ITGB6: variants seen among roughly 807,000 people sequenced by gnomAD.
The protein encoded by ITGB6 is integrin beta-6.
In ITGB6, 80 loss-of-function variants were observed where a neutral mutation model predicts 84.5. The ratio of observed to expected loss-of-function variants is 0.95; its 90% CI spans 0.79 to 1.14. The LOEUF (loss-of-function observed/expected upper bound fraction) is 1.14. ITGB6 is among the 50% of genes most tolerant of loss of function. ITGB6 has a pLI of 0.00. For synonymous variants in ITGB6, 383 were observed against 354.9 expected, an observed-to-expected ratio of 1.08 and a Z score of -0.89; for missense variants, 1,006 against 968.0, an observed-to-expected ratio of 1.04 and a Z score of -0.52.
chr2:160,103,239 G>T (rs940641008), intron 14 of ITGB6, among the ~76,000 whole-genome samples: 2 of 152,074 alleles, frequency 1.3e-5, no homozygotes, highest in Non-Finnish European at 2.9e-5. Context: ...GCTCTTAAAA[G>T]AATTGAATAA....
Position 160,099,862 on chromosome 2 carries a change from C to T in ITGB6, c.*1874G>A, listed in dbSNP as rs1006942072. Reference sequence around the variant, plus strand: ...GAAAGAGCAGATTCTTCTCTACCTTCCCTAAAACACACACAAAGGTAACTT... The same window carrying T: ...GAAAGAGCAGATTCTTCTCTACCTTTCCTAAAACACACACAAAGGTAACTT... On this transcript the variant is annotated 3_prime_UTR_variant, in exon 15 of 15. Coordinates refer to ENST00000283249, the MANE Select transcript of ITGB6 (RefSeq NM_000888.5). The T allele has an allele frequency of 2.6e-5, 4 of 152,154 alleles. No homozygotes were observed. The highest frequency in any genetic ancestry group is 5.9e-5 in the Non-Finnish European group (4 of 68,028). 9.4% of individuals were successfully genotyped at this position (152,154 alleles called of 1,614,324 possible). A position where few individuals can be genotyped will look rare whatever the true frequency, so the allele number is the denominator to read the frequency against.
intron 12 of ITGB6, 82 bp downstream of exon 12, chr2:160,123,709 G>T (rs1683127612): frequency 2.0e-6 from 2 of 993,964 alleles, no homozygotes; most frequent in African/African-American, 1.6e-5. Flanking sequence ...CTACTAAATA[G>T]CCCTCGATTC....
In ITGB6 at chr2:160,195,276, G is replaced by A; in HGVS notation, c.593+93C>T. The A allele has an allele frequency of 4.0e-6, 6 of 1,498,862 alleles. No individual in the cohort carries two copies. The South Asian group carries it at 7.3e-5, about 18-fold the overall frequency. 92.8% of individuals were successfully genotyped at this position (1,498,862 alleles called of 1,614,324 possible). On this transcript the variant is annotated intron_variant, in intron 4 of 14. Transcript: ENST00000283249. Reference sequence around the variant, plus strand: ...CAACCAGACAAGGCAGAAATGCCAGGGAGTTAGCAAGCTCCTGGCAAGTGC... The same window carrying A: ...CAACCAGACAAGGCAGAAATGCCAGAGAGTTAGCAAGCTCCTGGCAAGTGC...
chr2:160,193,330 A>G (rs1467964007), intron 4 of ITGB6, among the ~76,000 whole-genome samples: 3 of 152,236 alleles, frequency 2.0e-5, no homozygotes, highest in Non-Finnish European at 4.4e-5. Context: ...ATACAAAATA[A>G]TAGGTAAATC....
chr2:160,160,285 G>A (rs1684769232), intron 7 of ITGB6, among the ~76,000 whole-genome samples: 1 of 152,126 alleles, frequency 6.6e-6, no homozygotes, highest in African/African-American at 2.4e-5. Flanking sequence ...AATTTTTAGT[G>A]TACATGTGGT....
chr2:160,107,699 A>T lies in ITGB6; in HGVS notation c.2248T>A (p.Ser750Thr), dbSNP rs771306762. The T allele has an allele frequency of 8.7e-6, 14 of 1,613,934 alleles. No homozygotes were observed. In the East Asian group the frequency reaches 3.1e-4, roughly 36 times the overall value. The change falls in exon 14 of 15, where the codon TCA becomes ACA. Residue 750 changes from serine (S) to threonine (T), a missense_variant. Ser to Thr is a moderately conservative substitution (Grantham distance 58, BLOSUM62 1). Transcript: ENST00000283249. ...KEVAKFEAER[S>T]KAKWQTGTNP... The stretch of plus-strand genomic sequence containing the variant: ...CATACCGTTTGCCACTTGGCTTTTG[A>T]TCGTTCTGCTTCAAATTTGGCAACT...
chr2:160,109,863 A>G (rs1424545200), intron 13 of ITGB6, among the ~76,000 whole-genome samples: 2 of 152,192 alleles, frequency 1.3e-5, no homozygotes, highest in Non-Finnish European at 2.9e-5. Flanking sequence ...CAAGTAGCTT[A>G]TGCTGTAAGG....
At chr2:160,193,782 A>G (rs959964804) in intron 4 of ITGB6, among the ~76,000 whole-genome samples, 1 of 152,164 alleles carries the variant, frequency 6.6e-6, no homozygotes, top group South Asian at 2.1e-4. Context: ...AGAGAGGGGG[A>G]AAAAGGCCTA....
chr2:160,158,508 A>C (rs1371900018), intron 7 of ITGB6, among the ~76,000 whole-genome samples: 1 of 152,218 alleles, frequency 6.6e-6, no homozygotes, highest in Non-Finnish European at 1.5e-5. Context: ...TCTCTTAATA[A>C]GATTACCTTG....
intron 8 of ITGB6, among the ~76,000 whole-genome samples, chr2:160,140,955 G>A (rs931287668): frequency 6.6e-6 from 1 of 152,034 alleles, no homozygotes; most frequent in Non-Finnish European, 1.5e-5. Context: ...CTTCAAAGAC[G>A]TCTGTGAGAG....
At chr2:160,126,626 T>A (rs1434781007) in intron 10 of ITGB6, 25 bp from the exon 11 acceptor site, 4 of 1,598,498 alleles carry the variant, frequency 2.5e-6, no homozygotes, top group Non-Finnish European at 3.4e-6. Flanking sequence ...GCTCTATGCT[T>A]CTCACAGCCC....
At position 160,126,380 on chromosome 2, in the gene ITGB6, G is replaced by T. The variant is rs202195621; in HGVS notation, c.1882C>A (p.Arg628=). The part of the protein sequence containing the change: ...PTCGDPCNSK[R]SCIECHLSAA... ...AATGGAGAAAAGCAGAGACATTACC[G>T]TTTAGAGTTACAGGGGTCACCACAG... Residue 628 remains arginine (R), a splice_region_variant and synonymous_variant, in exon 11 of 15, where the codon CGG becomes AGG. Coordinates refer to ENST00000283249, the MANE Select transcript of ITGB6 (RefSeq NM_000888.5). 6.2e-7 allele frequency: 1 copy of T among 1,613,582 alleles called. No homozygotes were observed. The highest frequency in any genetic ancestry group is 1.1e-5 in the South Asian group (1 of 91,064).
chr2:160,116,669 AC>A (rs1463767810), intron 12 of ITGB6, among the ~76,000 whole-genome samples: 1 of 152,242 alleles, frequency 6.6e-6, no homozygotes, highest in African/African-American at 2.4e-5. Flanking sequence ...AACAATATTA[AC>A]TTTAAATGTA....
chr2:160,100,722 T>C lies in ITGB6; in HGVS notation c.*1014A>G, dbSNP rs922572955. 1 of 152,212 alleles carries C rather than the reference T, an allele frequency of 6.6e-6. No homozygotes were observed. Among genetic ancestry groups the C allele is most frequent in the Non-Finnish European group, 1.5e-5 (1 of 68,024 alleles). The allele number at this position is 152,212 out of a possible 1,614,324, so 9.4% of individuals were successfully genotyped here. A position where few individuals can be genotyped will look rare whatever the true frequency, so the allele number is the denominator to read the frequency against. On this transcript the variant is annotated 3_prime_UTR_variant, in exon 15 of 15. Transcript: ENST00000283249. ...ACCACATGCAGCTGAAATGTGCAAG[T>C]TGGGTTACATAGATGGGAAAAGAGT...
chr2:160,191,159 C>T (rs181262133), intron 4 of ITGB6, among the ~76,000 whole-genome samples: 3 of 152,174 alleles, frequency 2.0e-5, no homozygotes, highest in African/African-American at 7.2e-5. Context: ...ACAAGTGAAT[C>T]AAGCAATTAA....
intron 7 of ITGB6, among the ~76,000 whole-genome samples, chr2:160,146,636 T>C (rs1037399674): frequency 2.6e-5 from 4 of 152,220 alleles, no homozygotes; most frequent in Non-Finnish European, 5.9e-5. Context: ...TTTGTATCTC[T>C]TTAGCCAGCG....
chr2:160,130,129 T>C (rs767462020), intron 10 of ITGB6, among the ~76,000 whole-genome samples: 4 of 152,152 alleles, frequency 2.6e-5, no homozygotes, highest in Non-Finnish European at 5.9e-5. Context: ...TACAAACCTA[T>C]ACAATATGTT....
chr2:160,150,091 C>T (rs879600783), intron 7 of ITGB6, among the ~76,000 whole-genome samples: 7 of 152,092 alleles, frequency 4.6e-5, no homozygotes, highest in Non-Finnish European at 8.8e-5. Flanking sequence ...CATTCAAATT[C>T]GGGAAATACA....
At position 160,101,021 on chromosome 2, in the gene ITGB6, G is replaced by A. The variant is rs1395516970; in HGVS notation, c.*715C>T. The A allele has an allele frequency of 2.0e-5, 3 of 151,942 alleles. No individual in the cohort carries two copies. The highest frequency in any genetic ancestry group is 2.9e-5 in the Non-Finnish European group (2 of 67,970). 9.4% of individuals were successfully genotyped at this position (151,942 alleles called of 1,614,324 possible). On this transcript the variant is annotated 3_prime_UTR_variant, in exon 15 of 15. Transcript: ENST00000283249. Reference sequence around the variant, plus strand: ...CAAAAAGGAAACAGTGTAGAATATCGTTTTTCAGGTAATTTAAAAATAAGC... The same window carrying A: ...CAAAAAGGAAACAGTGTAGAATATCATTTTTCAGGTAATTTAAAAATAAGC...
Sources: gnomAD v4.1 joint callset for allele counts (sites outside exome capture counted in the v4.1 genomes callset) on GRCh38, gnomAD v4.1.1 for gene constraint, MANE v1.5 for transcripts, NCBI Gene and HGNC (gene_info 2026-07-23, HGNC 2026-07-21) for gene names.